RPGR: variants seen among roughly 807,000 people sequenced by gnomAD.
The protein encoded by RPGR is X-linked retinitis pigmentosa GTPase regulator.
A neutral mutation model predicts 56.3 loss-of-function variants in RPGR; 10 were observed. The observed-to-expected ratio is 0.18, with a 90% CI of 0.11 to 0.30. The LOEUF is 0.30. RPGR is among the 10% of genes least tolerant of loss of function. The pLI, the probability that RPGR is intolerant of heterozygous loss-of-function variation, is 1.00. For synonymous variants in RPGR, 197 were observed against 212.9 expected, an observed-to-expected ratio of 0.93 and a Z score of 0.65; for missense variants, 538 against 590.9, an observed-to-expected ratio of 0.91 and a Z score of 0.93.
chrX:38,306,529 A>T (rs1354672577), intron 7 of RPGR, among the ~76,000 whole-genome samples: 2 of 112,398 alleles, frequency 1.8e-5, no homozygotes, highest in African/African-American at 3.2e-5. Flanking sequence ...CCTTTAAGAA[A>T]ATATGCTGTA....
chrX:38,293,054 A>G (rs1225794660), intron 11 of RPGR, among the ~76,000 whole-genome samples: 1 of 112,301 alleles, frequency 8.9e-6, no homozygotes, highest in Non-Finnish European at 1.9e-5. Flanking sequence ...TTGTAAATAT[A>G]GAAATTAAGT....
At chrX:38,303,504 T>C (rs183680850) in intron 8 of RPGR, 1 of 229,349 alleles carries the variant, frequency 4.4e-6, no homozygotes, top group East Asian at 6.8e-5. Context: ...GTATCTACTA[T>C]TAGTGGAAGA....
intron 15 of RPGR, among the ~76,000 whole-genome samples, chrX:38,282,097 A>C (rs937313160): frequency 7.2e-5 from 8 of 111,834 alleles, no homozygotes; most frequent in African/African-American, 2.6e-4. Flanking sequence ...TATGCTTAAA[A>C]AATTAAATAT....
At chrX:38,285,565 A>C in intron 15 of RPGR, 1 of 1,211,817 alleles carries the variant, frequency 8.3e-7, no homozygotes, top group Non-Finnish European at 1.1e-6. Flanking sequence ...GTAATGTGGT[A>C]ATACATTATT....
At chrX:38,287,513 C>T (rs745989135) in intron 14 of RPGR, 12 of 515,324 alleles carry the variant, frequency 2.3e-5, no homozygotes, top group Non-Finnish European at 4.1e-5. Flanking sequence ...TCAAAGATCA[C>T]ATCTTGCTTG....
chrX:38,310,174 C>T (rs774347797), intron 7 of RPGR, among the ~76,000 whole-genome samples: 2 of 110,580 alleles, frequency 1.8e-5, no homozygotes, highest in East Asian at 2.9e-4. Flanking sequence ...AGGCTGGTCT[C>T]GAACTCCTGG....
intron 6 of RPGR, among the ~76,000 whole-genome samples, chrX:38,315,844 G>C (rs946838382): frequency 1.9e-5 from 2 of 105,014 alleles, no homozygotes; most frequent in South Asian, 8.6e-4. Flanking sequence ...TATATAGAGA[G>C]AGAGAGAGAG....
Position 38,287,854 on chromosome X carries a change from T to C in RPGR, c.1753+7A>G. The C allele has an allele frequency of 8.3e-7, 1 of 1,209,268 alleles. No individual in the cohort carries two copies. Among genetic ancestry groups the C allele is most frequent in the Non-Finnish European group, 1.1e-6 (1 of 893,402 alleles). ...AGCCTGAGGTCCCACCTGGCCTGTG[T>C]CATTACCTACTTCCTCATCTGAAAA... On this transcript the variant is annotated splice_region_variant and intron_variant, in intron 14 of 18. Transcript: ENST00000642395.
In RPGR at chrX:38,321,007, A is replaced by G. The variant is rs748716205; in HGVS notation, c.310+20T>C. The G allele has an allele frequency of 4.3e-6, 5 of 1,161,396 alleles. No homozygotes were observed. In the African/African-American group the frequency reaches 5.3e-5, roughly 12 times the overall value. ...AGTTCTCAAAGTCAGGCAGGAAATC[A>G]TACAGGTTGAGCACTATACCTGTTG... is the stretch of plus-strand genomic sequence containing the variant. On this transcript the variant is annotated intron_variant, in intron 4 of 18. Transcript: ENST00000642395.
rs780175216 is a variant in RPGR, at chrX:38,305,457, C to T, written c.779-667G>A. Among the ~76,000 whole-genome samples, 221 of 108,136 alleles carry T rather than the reference C, an allele frequency of 2.0e-3. 2 individuals carry two copies. Among genetic ancestry groups the T allele is most frequent in the African/African-American group, 7.3e-3 (216 of 29,636 alleles). 93.9% of individuals were successfully genotyped at this position (108,136 alleles called of 115,157 possible). ...CAACTGTCATTAAGCTAACTCACTA[C>T]GTCAAATAAAAAAGTGAATAGTGTC... On this transcript the variant is annotated intron_variant, in intron 7 of 18. Coordinates refer to ENST00000642395, the MANE Select transcript of RPGR (RefSeq NM_000328.3).
chrX:38,287,453 T>C, intron 14 of RPGR: 3 of 584,623 alleles, frequency 5.1e-6, no homozygotes, highest in Non-Finnish European at 8.8e-6. Flanking sequence ...TGACTCTCAC[T>C]TGCACCTTCC....
chrX:38,309,083 G>A (rs1192324106), intron 7 of RPGR, among the ~76,000 whole-genome samples: 1 of 111,628 alleles, frequency 9.0e-6, no homozygotes, highest in Non-Finnish European at 1.9e-5. Flanking sequence ...ATTGTATTAT[G>A]TACATTACTC....
intron 11 of RPGR, among the ~76,000 whole-genome samples, chrX:38,291,974 GCTCT>G (rs779851883): frequency 9.0e-6 from 1 of 110,676 alleles, no homozygotes; most frequent in African/African-American, 3.3e-5. Context: ...TGGCTCTCTT[GCTCT>G]CTCTCTCTCC....
intron 1 of RPGR, chrX:38,326,553 G>A (rs1048720419): frequency 2.7e-5 from 3 of 111,393 alleles, no homozygotes; most frequent in East Asian, 5.6e-4. Flanking sequence ...AATGTCAAAA[G>A]TATTTCTAAC....
At chrX:38,289,428 C>G (rs1293823567) in intron 13 of RPGR, among the ~76,000 whole-genome samples, 2 of 111,871 alleles carry the variant, frequency 1.8e-5, no homozygotes, top group Non-Finnish European at 3.8e-5. Context: ...ATTAACAATA[C>G]AAAATTAATT....
chrX:38,292,045 C>A (rs769671080), intron 11 of RPGR, among the ~76,000 whole-genome samples: 2 of 110,765 alleles, frequency 1.8e-5, no homozygotes, highest in Non-Finnish European at 3.8e-5. Flanking sequence ...ATCACTTGCT[C>A]TGTAGGAGTC....
intron 13 of RPGR, among the ~76,000 whole-genome samples, chrX:38,289,388 T>G (rs920355346): frequency 6.2e-5 from 7 of 112,114 alleles, no homozygotes. Context: ...ACAAAAACTA[T>G]GAAATCAAAC....
intron 6 of RPGR, among the ~76,000 whole-genome samples, chrX:38,316,734 T>C (rs768347106): frequency 2.7e-5 from 3 of 111,730 alleles, no homozygotes; most frequent in Admixed American, 1.9e-4. Flanking sequence ...TACCAATTCA[T>C]TGGTAACTTT....
chrX:38,289,909 G>A (rs1448515414), intron 13 of RPGR, among the ~76,000 whole-genome samples: 2 of 111,774 alleles, frequency 1.8e-5, no homozygotes, highest in Non-Finnish European at 1.9e-5. Context: ...GCCCAGAAGA[G>A]GGAGAGCCTG....
Sources: gnomAD v4.1 joint callset for allele counts (sites outside exome capture counted in the v4.1 genomes callset) on GRCh38, gnomAD v4.1.1 for gene constraint, MANE v1.5 for transcripts, NCBI Gene and HGNC (gene_info 2026-07-23, HGNC 2026-07-21) for gene names.